MSRA: variants seen among roughly 807,000 people sequenced by gnomAD.
MSRA encodes mitochondrial peptide methionine sulfoxide reductase.
MSRA carries 54 observed loss-of-function variants against 31.3 expected under a neutral mutation model. The ratio of observed to expected loss-of-function variants is 1.73; its 90% CI spans 1.39 to 2.17. The LOEUF (loss-of-function observed/expected upper bound fraction) is 2.17. Among genes scored for constraint, MSRA ranks in the 30% most tolerant of loss-of-function variants. MSRA has a pLI of 0.00. For missense variants in MSRA, 507 were observed against 300.9 expected (o/e 1.69, Z -5.07); for synonymous variants, 169 against 116.5 (o/e 1.45, Z -2.90).
At chr8:10,118,651 C>T (rs377436697) in intron 1 of MSRA, among the ~76,000 whole-genome samples, 4 of 152,226 alleles carry the variant, frequency 2.6e-5, no homozygotes, top group South Asian at 2.1e-4. Flanking sequence ...CCCAGTGTGC[C>T]GTGTGCTCCT....
At chr8:10,152,052 A>G (rs1803725765) in intron 1 of MSRA, among the ~76,000 whole-genome samples, 1 of 152,128 alleles carries the variant, frequency 6.6e-6, no homozygotes, top group Non-Finnish European at 1.5e-5. Context: ...ATGTGTACAC[A>G]CCTCCACTCT....
intron 1 of MSRA, among the ~76,000 whole-genome samples, chr8:10,103,307 A>G (rs1370012139): frequency 1.3e-5 from 2 of 152,196 alleles, no homozygotes; most frequent in Non-Finnish European, 2.9e-5. Context: ...TTCATTTGTG[A>G]ATTCAAACCT....
At chr8:10,395,780 G>A (rs182903257) in intron 5 of MSRA, among the ~76,000 whole-genome samples, 7 of 152,258 alleles carry the variant, frequency 4.6e-5, no homozygotes, top group Non-Finnish European at 8.8e-5. Context: ...TGAAACCTGC[G>A]TACGTCCTCA....
At chr8:10,400,166 C>T (rs1046559873) in intron 5 of MSRA, among the ~76,000 whole-genome samples, 13 of 151,846 alleles carry the variant, frequency 8.6e-5, no homozygotes, top group African/African-American at 2.9e-4. Context: ...GTCAGACTTG[C>T]ATGTTACGTG....
intron 1 of MSRA, among the ~76,000 whole-genome samples, chr8:10,093,959 C>G (rs936261105): frequency 6.6e-6 from 1 of 152,172 alleles, no homozygotes; most frequent in Non-Finnish European, 1.5e-5. Flanking sequence ...CCATGGTTTT[C>G]AATGAGAAAT....
intron 1 of MSRA, among the ~76,000 whole-genome samples, chr8:10,164,014 C>G (rs1367882881): frequency 6.6e-6 from 1 of 152,268 alleles, no homozygotes; most frequent in Non-Finnish European, 1.5e-5. Context: ...AAGAAATTCT[C>G]TTAGCCTGTC....
At chr8:10,360,096 C>T (rs1300659913) in intron 5 of MSRA, among the ~76,000 whole-genome samples, 1 of 152,194 alleles carries the variant, frequency 6.6e-6, no homozygotes, top group African/African-American at 2.4e-5. Context: ...GCCTCTTCAC[C>T]CAGGCCTCGT....
At chr8:10,060,758 C>T (rs192642321) in intron 1 of MSRA, among the ~76,000 whole-genome samples, 3 of 151,632 alleles carry the variant, frequency 2.0e-5, no homozygotes, top group East Asian at 3.9e-4. Flanking sequence ...AGAGTGAAAT[C>T]GGAATAAGTT....
At chr8:10,130,614 G>GCA (rs1801828394) in intron 1 of MSRA, among the ~76,000 whole-genome samples, 1 of 152,260 alleles carries the variant, frequency 6.6e-6, no homozygotes, top group Admixed American at 6.5e-5. Context: ...GCGTCACTAT[G>GCA]CACACACACA....
chr8:10,404,361 A>C (rs980722210), intron 5 of MSRA, among the ~76,000 whole-genome samples: 2 of 152,188 alleles, frequency 1.3e-5, no homozygotes, highest in African/African-American at 4.8e-5. Context: ...AACGACAGTC[A>C]AGCTTGCTGC....
At position 10,217,959 on chromosome 8, in the gene MSRA, A is replaced by G. The variant is rs568442823; in HGVS notation, c.211+10058A>G. On this transcript the variant is annotated intron_variant, in intron 2 of 5. Coordinates refer to ENST00000317173, the MANE Select transcript of MSRA (RefSeq NM_012331.5). ...CCTTGCTATTTATTTAAGAAATTAA[A>G]TAATTCAGCCTGTCCTATTTCCTTT... Among the ~76,000 whole-genome samples the G allele has an allele frequency of 2.0e-5, 3 of 152,212 alleles. No individual in the cohort carries two copies. The South Asian group carries it at 6.2e-4, about 32-fold the overall frequency.
chr8:10,421,663 G>A (rs970604114), intron 5 of MSRA, among the ~76,000 whole-genome samples: 8 of 152,170 alleles, frequency 5.3e-5, no homozygotes, highest in African/African-American at 1.9e-4. Context: ...CTAGAAGGAC[G>A]GATGGGACCT....
intron 1 of MSRA, among the ~76,000 whole-genome samples, chr8:10,126,595 C>T (rs1039502187): frequency 6.6e-6 from 1 of 152,192 alleles, no homozygotes; most frequent in African/African-American, 2.4e-5. Context: ...TCACCACAAC[C>T]TCTGCCTCCT....
intron 1 of MSRA, among the ~76,000 whole-genome samples, chr8:10,169,762 T>G (rs1805439855): frequency 6.6e-6 from 1 of 152,194 alleles, no homozygotes; most frequent in Non-Finnish European, 1.5e-5. Context: ...TCCTAACCAT[T>G]CATCATTAGT....
chr8:10,075,508 G>A (rs1243206176), intron 1 of MSRA, among the ~76,000 whole-genome samples: 1 of 152,162 alleles, frequency 6.6e-6, no homozygotes, highest in East Asian at 1.9e-4. Context: ...GATTCATGTT[G>A]AATATTTATG....
chr8:10,302,695 G>C (rs1183047351), intron 4 of MSRA, among the ~76,000 whole-genome samples: 1 of 152,216 alleles, frequency 6.6e-6, no homozygotes, highest in African/African-American at 2.4e-5. Context: ...GGTGAGGCAG[G>C]TTCAGGATCC....
chr8:10,207,897 A>G lies in MSRA; in HGVS notation c.207A>G (p.Val69=). ...TCCCAGAGGGAACACAGATGGCTGT[A>G]TTTGGTAAGATATCAATTCTGAAAG... The part of the protein sequence containing the change: ...EPFPEGTQMA[V]FGMGCFWGAE... Residue 69 remains valine, a synonymous_variant, in exon 2 of 6, where the codon GTA becomes GTG. Transcript: ENST00000317173. 6.2e-7 allele frequency: 1 copy of G among 1,611,202 alleles called. No homozygotes were observed. Among genetic ancestry groups the G allele is most frequent in the Non-Finnish European group, 8.5e-7 (1 of 1,178,344 alleles).
intron 5 of MSRA, among the ~76,000 whole-genome samples, chr8:10,377,887 T>C (rs1242662764): frequency 1.3e-5 from 2 of 152,136 alleles, no homozygotes; most frequent in African/African-American, 4.8e-5. Flanking sequence ...AGGAGGAAGC[T>C]CCCTGGCAGT....
In MSRA at chr8:10,283,836, T is replaced by TATATATAC. The variant is rs1261287031; in HGVS notation, c.332-17697_332-17696insTATATACA. The stretch of plus-strand genomic sequence containing the variant: ...ATATATATATATATATATATATATA[T>TATATATAC]ACACACACACACACACACACACACA... On this transcript the variant is annotated intron_variant, in intron 3 of 5. Transcript: ENST00000317173. Among the ~76,000 whole-genome samples, 357 of 53,112 alleles carry TATATATAC rather than the reference T, an allele frequency of 6.7e-3. 4 individuals are homozygous for TATATATAC. Among genetic ancestry groups the TATATATAC allele is most frequent in the African/African-American group, 0.017 (200 of 11,532 alleles). 34.8% of individuals were successfully genotyped at this position (53,112 alleles called of 152,430 possible).
Sources: allele counts gnomAD v4.1 joint callset (sites outside exome capture counted in the v4.1 genomes callset), GRCh38; gene constraint gnomAD v4.1.1; transcripts MANE v1.5; gene names NCBI Gene and HGNC (gene_info 2026-07-23, HGNC 2026-07-21).